Variants in C1orf52 observed in about 807,000 individuals in gnomAD.
C1orf52 encodes the protein UPF0690 protein C1orf52.
Under a neutral mutation model 17.2 loss-of-function variants are expected in C1orf52, and 5 were observed. The observed-to-expected ratio is 0.29, with a 90% CI of 0.15 to 0.61. C1orf52 has a LOEUF of 0.61. Among genes scored for constraint, C1orf52 ranks in the 20% least tolerant of loss-of-function variants. The probability of loss-of-function intolerance (pLI) is 0.85; values close to 1 mark genes in which losing one functional copy is unlikely to be tolerated. For synonymous variants in C1orf52, 110 were observed against 88.0 expected (o/e 1.25, Z -1.40); for missense variants, 245 against 234.1 (o/e 1.05, Z -0.30).
At chr1:85,259,074 G>GGA in intron 1 of C1orf52, 1 of 1,348,662 alleles carries the variant, frequency 7.4e-7, no homozygotes, top group South Asian at 1.7e-5. Context: ...GCAGCGGGGG[G>GGA]GGCGGGGGAG....
intron 2 of C1orf52, among the ~76,000 whole-genome samples, chr1:85,256,610 T>C (rs1659943036): frequency 6.6e-6 from 1 of 151,972 alleles, no homozygotes; most frequent in African/African-American, 2.4e-5. Context: ...CCATCCTGGC[T>C]AACACGGTGA....
rs1659767355 is a variant in C1orf52 at position 85,250,247 on chromosome 1, C to T, written c.*2382G>A. On this transcript the variant is annotated 3_prime_UTR_variant, in exon 3 of 3. Transcript: ENST00000471115. ...AGTGAGATTTGGTTGGGGACACAGCCAAACCAGATCAGGATCTCAACATGT... is the reference window on the plus strand; with the variant it reads ...AGTGAGATTTGGTTGGGGACACAGCTAAACCAGATCAGGATCTCAACATGT... 6.6e-6 allele frequency: 1 copy of T among 152,124 alleles called. No individual in the cohort carries two copies. Among genetic ancestry groups the T allele is most frequent in the Admixed American group, 6.5e-5 (1 of 15,288 alleles). 9.4% of individuals were successfully genotyped at this position (152,124 alleles called of 1,614,324 possible).
At chr1:85,257,513 G>A (rs375567909) in intron 2 of C1orf52, 1 of 713,976 alleles carries the variant, frequency 1.4e-6, no homozygotes, top group Non-Finnish European at 2.6e-6. Flanking sequence ...CAGGGAGAAA[G>A]GGCCTATTAA....
intron 1 of C1orf52, chr1:85,258,962 T>A (rs1639088803): frequency 7.2e-7 from 1 of 1,385,990 alleles, no homozygotes; most frequent in African/African-American, 1.5e-5. Flanking sequence ...TCAGAGATAC[T>A]ACGCCAAGGC....
At position 85,258,636 on chromosome 1, in the gene C1orf52, C is replaced by T. The variant is rs1027363605; in HGVS notation, c.363G>A (p.Glu121=). Residue 121 remains glutamate, a synonymous_variant, in exon 2 of 3, where the codon GAG becomes GAA. Coordinates refer to ENST00000471115, the MANE Select transcript of C1orf52 (RefSeq NM_198077.4). ...TAGACCATTTTATTGCCATGTCAAG[C>T]TCTGGAGGCGGAGGCTTCTTCTCAG... ...YTTEKKPPPP[E]LDMAIKWSNI... The T allele has an allele frequency of 6.2e-7, 1 of 1,613,924 alleles. No homozygotes were observed. Among genetic ancestry groups the T allele is most frequent in the African/African-American group, 1.3e-5 (1 of 74,886 alleles).
Position 85,258,612 on chromosome 1 carries a change from A to G in C1orf52, c.387T>C (p.Ser129=), listed in dbSNP as rs767749286. The G allele has an allele frequency of 2.5e-6, 4 of 1,614,072 alleles. No individual in the cohort carries two copies. The South Asian group carries it at 3.3e-5, about 13-fold the overall frequency. ...PPELDMAIKW[S]NIYEDNGDDA... ...CATCACCATTGTCCTCATATATGTT[A>G]GACCATTTTATTGCCATGTCAAGCT... The change falls in exon 2 of 3, where the codon TCT becomes TCC. Residue 129 remains serine (S), a synonymous_variant. Coordinates refer to ENST00000471115, the MANE Select transcript of C1orf52 (RefSeq NM_198077.4).
intron 2 of C1orf52, among the ~76,000 whole-genome samples, chr1:85,253,220 T>A (rs1230881974): frequency 6.6e-6 from 1 of 152,218 alleles, no homozygotes; most frequent in East Asian, 1.9e-4. Flanking sequence ...CACTGCATGA[T>A]AGTATTTACA....
rs1201935765 is a variant in C1orf52, at chr1:85,250,816, G to C, written c.*1813C>G. The C allele has an allele frequency of 6.6e-6, 1 of 152,184 alleles. No homozygotes were observed. Among genetic ancestry groups the C allele is most frequent in the Non-Finnish European group, 1.5e-5 (1 of 68,044 alleles). The allele number at this position is 152,184 out of a possible 1,614,324, so 9.4% of individuals were successfully genotyped here. ...TTGATTTGGTTGTGTTTGGTGTCATGTACATACTATGGTCTTGCTTTGTCA... is the reference window on the plus strand; with the variant it reads ...TTGATTTGGTTGTGTTTGGTGTCATCTACATACTATGGTCTTGCTTTGTCA... On this transcript the variant is annotated 3_prime_UTR_variant, in exon 3 of 3. Transcript: ENST00000471115.
intron 2 of C1orf52, among the ~76,000 whole-genome samples, chr1:85,256,811 A>AC: frequency 6.8e-6 from 1 of 147,644 alleles, no homozygotes; most frequent in Non-Finnish European, 1.5e-5. Flanking sequence ...AAAAAAAAAA[A>AC]AAAAAAAGAA....
chr1:85,251,840 A>G lies in C1orf52; in HGVS notation c.*789T>C, dbSNP rs1359782082. On this transcript the variant is annotated 3_prime_UTR_variant, in exon 3 of 3. Transcript: ENST00000471115. ...GGTACAACAGAAAAAAGTACCTGGA[A>G]GAGATGACAATTGATGTCATTCCTG... 6.6e-6 allele frequency: 1 copy of G among 152,208 alleles called. No homozygotes were observed. The allele number at this position is 152,208 out of a possible 1,614,324, so 9.4% of individuals were successfully genotyped here.
intron 1 of C1orf52, chr1:85,259,155 G>T (rs1660024317): frequency 8.7e-7 from 1 of 1,148,378 alleles, no homozygotes; most frequent in South Asian, 1.7e-5. Flanking sequence ...CTCACAAGGG[G>T]CGGGGCTGCG....
In C1orf52 at chr1:85,258,518, C is replaced by T. The variant is rs746060696; in HGVS notation, c.475+6G>A. 14 of 1,611,548 alleles carry T rather than the reference C, an allele frequency of 8.7e-6. No homozygotes were observed. In the South Asian group the frequency reaches 1.4e-4, roughly 16 times the overall value. On this transcript the variant is annotated splice_donor_region_variant and intron_variant, in intron 2 of 2. Transcript: ENST00000471115. ...TAGACCACCATCGGATTCTGACTTT[C>T]CTTACCTGATTCCAACGTCTCCTCC...
intron 1 of C1orf52, chr1:85,258,939 G>T: frequency 7.1e-7 from 1 of 1,405,716 alleles, no homozygotes; most frequent in Non-Finnish European, 9.2e-7. Context: ...AGTTACCAAA[G>T]AAGAATCCAG....
At chr1:85,254,964 T>C (rs938077313) in intron 2 of C1orf52, among the ~76,000 whole-genome samples, 5 of 152,234 alleles carry the variant, frequency 3.3e-5, no homozygotes, top group African/African-American at 7.2e-5. Context: ...TGACAAGGCA[T>C]TGCTTTATAA....
In C1orf52 at chr1:85,258,479, C is replaced by A. The variant is rs759181423; in HGVS notation, c.475+45G>T. The A allele has an allele frequency of 2.7e-6, 4 of 1,482,368 alleles. No homozygotes were observed. The Admixed American group carries it at 5.8e-5, about 22-fold the overall frequency. 91.8% of individuals were successfully genotyped at this position (1,482,368 alleles called of 1,614,324 possible). ...AATATCTCATTCTTTTTAAGCCCAT[C>A]ACGGGGATCAAAATAGACCACCATC... On this transcript the variant is annotated intron_variant, in intron 2 of 2. Coordinates refer to ENST00000471115, the MANE Select transcript of C1orf52 (RefSeq NM_198077.4).
intron 2 of C1orf52, 61 bp from the exon 3 acceptor site, chr1:85,252,763 T>A: frequency 1.6e-6 from 2 of 1,220,826 alleles, no homozygotes; most frequent in Non-Finnish European, 2.4e-6. Context: ...ATGTTAAGCA[T>A]TAAAATTTCA....
At chr1:85,259,216 G>T in intron 1 of C1orf52, 142 bp downstream of exon 1, 1 of 1,211,678 alleles carries the variant, frequency 8.3e-7, no homozygotes. Flanking sequence ...GTTTCCCAGG[G>T]CTTGAGGTGG....
chr1:85,259,120 C>G, intron 1 of C1orf52: 1 of 1,307,386 alleles, frequency 7.6e-7, no homozygotes, highest in Non-Finnish European at 1.0e-6. Flanking sequence ...GGGGTCGGGG[C>G]ACCGAGCGCG....
rs552393062 is a variant in C1orf52 at position 85,259,127 on chromosome 1, C to A, written c.276+231G>T. The A allele has an allele frequency of 1.6e-5, 21 of 1,290,098 alleles. No homozygotes were observed. The African/African-American group carries it at 1.8e-4, about 11-fold the overall frequency. The allele number at this position is 1,290,098 out of a possible 1,614,324, so 79.9% of individuals were successfully genotyped here. The stretch of plus-strand genomic sequence containing the variant: ...CGCCGCGCGGGGTCGGGGCACCGAG[C>A]GCGGAGGTTTGGGTCTCCTCACAAG... On this transcript the variant is annotated intron_variant, in intron 1 of 2. Coordinates refer to ENST00000471115, the MANE Select transcript of C1orf52 (RefSeq NM_198077.4).
Sources: allele counts gnomAD v4.1 joint callset (sites outside exome capture counted in the v4.1 genomes callset), GRCh38; gene constraint gnomAD v4.1.1; transcripts MANE v1.5; gene names NCBI Gene and HGNC (gene_info 2026-07-23, HGNC 2026-07-21).